The following GNA11 variants were observed in gnomAD, a reference collection of about 807,000 sequenced individuals.
GNA11 encodes G protein subunit alpha 11.
A neutral mutation model predicts 38.2 loss-of-function variants in GNA11; 8 were observed. The observed-to-expected ratio is 0.21, with a 90% CI of 0.12 to 0.38. The LOEUF (loss-of-function observed/expected upper bound fraction) is 0.38. Among genes scored for constraint, GNA11 ranks in the 10% least tolerant of loss-of-function variants. The pLI, the probability that GNA11 is intolerant of heterozygous loss-of-function variation, is 1.00. For synonymous variants in GNA11, 211 were observed against 221.4 expected (o/e 0.95, Z 0.42); for missense variants, 268 against 516.3 (o/e 0.52, Z 4.66).
At position 3,122,534 on chromosome 19, in the gene GNA11, C is replaced by T. The variant is rs1036893376; in HGVS notation, c.*1355C>T. On this transcript the variant is annotated 3_prime_UTR_variant, in exon 7 of 7. Coordinates refer to ENST00000078429, the MANE Select transcript of GNA11 (RefSeq NM_002067.5). The surrounding 1 kb of genome is among the most constrained non-coding windows in gnomAD (Gnocchi z 7.7). The stretch of plus-strand genomic sequence containing the variant: ...CTGAGGCACCGAGACTGGTTCTCCC[C>T]GAGAGACTCGGAAGGTGGGGAACGA... The T allele has an allele frequency of 2.6e-5, 6 of 232,634 alleles. No individual in the cohort carries two copies. Among genetic ancestry groups the T allele is most frequent in the Admixed American group, 5.6e-5 (1 of 17,766 alleles). 14.4% of individuals were successfully genotyped at this position (232,634 alleles called of 1,614,324 possible).
chr19:3,102,262 C>T (rs369130403), intron 1 of GNA11, among the ~76,000 whole-genome samples: 22 of 152,182 alleles, frequency 1.4e-4, no homozygotes, highest in African/African-American at 4.6e-4. Flanking sequence ...GGCCCCTGAC[C>T]GGCGAGGGGC....
intron 1 of GNA11, among the ~76,000 whole-genome samples, chr19:3,101,632 C>T (rs765260992): frequency 3.9e-5 from 6 of 152,060 alleles, no homozygotes; most frequent in Non-Finnish European, 2.9e-5. Context: ...GGTCAGTGAG[C>T]TGGGCAGGGG....
chr19:3,101,571 G>C (rs562905446), intron 1 of GNA11, among the ~76,000 whole-genome samples: 33 of 151,976 alleles, frequency 2.2e-4, no homozygotes, highest in Non-Finnish European at 3.8e-4. Flanking sequence ...CCTGGGCTCC[G>C]GACTCCTGCC....
intron 1 of GNA11, among the ~76,000 whole-genome samples, chr19:3,096,924 C>T (rs544892382): frequency 5.6e-4 from 85 of 152,300 alleles, no homozygotes; most frequent in African/African-American, 1.8e-3. Context: ...CCAGGGACCC[C>T]TTTGGGAATC....
chr19:3,121,301 AT>A lies in GNA11; in HGVS notation c.*133del, dbSNP rs201102241. 7,081 of 511,222 alleles carry A rather than the reference AT, an allele frequency of 0.014. 51 individuals carry two copies. Among genetic ancestry groups the A allele is most frequent in the Admixed American group, 0.061 (1,709 of 28,072 alleles). The allele number at this position is 511,222 out of a possible 1,614,324, so 31.7% of individuals were successfully genotyped here. A position where few individuals can be genotyped will look rare whatever the true frequency, so the allele number is the denominator to read the frequency against. ...CCGGGGCCTCTGCCCGCGGGAGGAG[AT>A]TTTTTTTTTTCATATTTTTAACAAA... is the stretch of plus-strand genomic sequence containing the variant. On this transcript the variant is annotated 3_prime_UTR_variant, in exon 7 of 7. Transcript: ENST00000078429.
chr19:3,097,715 G>A (rs945718935), intron 1 of GNA11, among the ~76,000 whole-genome samples: 8 of 152,236 alleles, frequency 5.3e-5, no homozygotes, highest in South Asian at 2.1e-4. Flanking sequence ...TCCGGCTGCC[G>A]TGCCGCCTCT....
Position 3,118,662 on chromosome 19 carries a change from C to T in GNA11, c.606-262C>T, listed in dbSNP as rs1315602892. 14 of 450,152 alleles carry T rather than the reference C, an allele frequency of 3.1e-5. No homozygotes were observed. The South Asian group carries it at 3.6e-4, about 12-fold the overall frequency. The allele number at this position is 450,152 out of a possible 1,614,324, so 27.9% of individuals were successfully genotyped here. On this transcript the variant is annotated intron_variant, in intron 4 of 6. Coordinates refer to ENST00000078429, the MANE Select transcript of GNA11 (RefSeq NM_002067.5). ...GCCCAGAATCCTCTGGGTTCTCACA[C>T]CCCCACACTAGCGCCCGCTTCCCTG...
In GNA11 at chr19:3,121,264, GC is replaced by G; in HGVS notation, c.*87del. 1 of 1,031,686 alleles carries G rather than the reference GC, an allele frequency of 9.7e-7. No individual in the cohort carries two copies. Among genetic ancestry groups the G allele is most frequent in the Non-Finnish European group, 1.4e-6 (1 of 695,228 alleles). The allele number at this position is 1,031,686 out of a possible 1,614,324, so 63.9% of individuals were successfully genotyped here. A position where few individuals can be genotyped will look rare whatever the true frequency, so the allele number is the denominator to read the frequency against. ...CTGCGGCTGCCGGGCGGGTGGCGCTGCCGAGTCCGGGCCGGGGCCTCTGCCC... is the reference window on the plus strand; with the variant it reads ...CTGCGGCTGCCGGGCGGGTGGCGCTGCGAGTCCGGGCCGGGGCCTCTGCCC... On this transcript the variant is annotated 3_prime_UTR_variant, in exon 7 of 7. Transcript: ENST00000078429.
rs570048771 is a variant in GNA11 at position 3,108,908 on chromosome 19, C to T, written c.137-1241C>T. Among the ~76,000 whole-genome samples, 11 of 152,288 alleles carry T rather than the reference C, an allele frequency of 7.2e-5. No homozygotes were observed. The highest frequency in any genetic ancestry group is 2.6e-4 in the African/African-American group (11 of 41,560). On this transcript the variant is annotated intron_variant, in intron 1 of 6. Transcript: ENST00000078429. The surrounding 1 kb of genome is among the most constrained non-coding windows in gnomAD (Gnocchi z 4.5). ...GGTGGGAGGCCTCAGTTCCTCACCA[C>T]GTGGGCCTCTCCGTGAAGCTGCTTG...
At position 3,119,763 on chromosome 19, in the gene GNA11, A is replaced by T. The variant is rs1914020397; in HGVS notation, c.889+404A>T. ...GGGGGTGTCCTGTATAGGTGATCCC[A>T]TATGGGAGGGGTCTCACAGGAAGGG... is the stretch of plus-strand genomic sequence containing the variant. On this transcript the variant is annotated intron_variant, in intron 6 of 6. Coordinates refer to ENST00000078429, the MANE Select transcript of GNA11 (RefSeq NM_002067.5). The surrounding 1 kb of genome is among the most constrained non-coding windows in gnomAD (Gnocchi z 4.6). 6.6e-6 allele frequency among the ~76,000 whole-genome samples: 1 copy of T among 151,660 alleles called. No individual in the cohort carries two copies. The highest frequency in any genetic ancestry group is 2.4e-5 in the African/African-American group (1 of 41,242).
chr19:3,099,360 A>G (rs1913447837), intron 1 of GNA11, among the ~76,000 whole-genome samples: 1 of 152,164 alleles, frequency 6.6e-6, no homozygotes, highest in Non-Finnish European at 1.5e-5. Context: ...TGGGTGACTG[A>G]GAGCGGTGGA....
In GNA11 at chr19:3,113,360, G is replaced by A. The variant is rs754271296; in HGVS notation, c.352G>A (p.Val118Met). The change falls in exon 3 of 7, where the codon GTG (valine) becomes ATG (methionine). Residue 118 changes from valine (V) to methionine (M), a missense_variant. Val to Met is a conservative substitution (Grantham distance 21, BLOSUM62 1). Coordinates refer to ENST00000078429, the MANE Select transcript of GNA11 (RefSeq NM_002067.5). The stretch of plus-strand genomic sequence containing the variant: ...TGCGCTCCTGATCCGGGAGGTGGAC[G>A]TGGAGAAGGTGACCACCTTCGAGCA... ...ANALLIREVDVEKVTTFEHQY... is the reference protein window; with the variant it reads ...ANALLIREVDMEKVTTFEHQY... 11 of 1,613,424 alleles carry A rather than the reference G, an allele frequency of 6.8e-6. No individual in the cohort carries two copies. Among genetic ancestry groups the A allele is most frequent in the Non-Finnish European group, 8.5e-6 (10 of 1,179,886 alleles).
chr19:3,110,362 G>A lies in GNA11; in HGVS notation c.321+29G>A, dbSNP rs776369531. 58 of 1,577,546 alleles carry A rather than the reference G, an allele frequency of 3.7e-5. No homozygotes were observed. The highest frequency in any genetic ancestry group is 4.5e-5 in the Non-Finnish European group (52 of 1,151,290). ...AGCCCGCGGGCGCCTGGGGAGGGGA[G>A]CGCCTGGGCAGCTGTGGGCTTGGTG... On this transcript the variant is annotated intron_variant, in intron 2 of 6. Transcript: ENST00000078429. The surrounding 1 kb of genome is among the most constrained non-coding windows in gnomAD (Gnocchi z 5.4).
intron 4 of GNA11, chr19:3,118,346 C>T (rs1426733799): frequency 2.0e-5 from 3 of 152,626 alleles, no homozygotes; most frequent in African/African-American, 4.8e-5. Context: ...TTCTTTCTCC[C>T]GCCTGTGCGT....
chr19:3,108,579 G>A lies in GNA11; in HGVS notation c.137-1570G>A, dbSNP rs1432737104. Among the ~76,000 whole-genome samples the A allele has an allele frequency of 6.6e-6, 1 of 152,072 alleles. No homozygotes were observed. Among genetic ancestry groups the A allele is most frequent in the Non-Finnish European group, 1.5e-5 (1 of 68,008 alleles). On this transcript the variant is annotated intron_variant, in intron 1 of 6. Transcript: ENST00000078429. This position sits in a 1 kb window ranked among gnomAD's most constrained non-coding sequence, Gnocchi z 4.5. ...GGGGCGGTGACGCTTGAGTCTCTAG[G>A]GCACCGGGGGCCTGAGCAAGGTTAA...
rs1388760727 is a variant in GNA11 at position 3,120,178 on chromosome 19, G to A, written c.890-811G>A. ...CCCTCAGGGTGCCCTGCCTCTGGAT[G>A]TGCAGCGAGAGGGAGGGGTCTGGCA... On this transcript the variant is annotated intron_variant, in intron 6 of 6. Transcript: ENST00000078429. The surrounding 1 kb of genome is among the most constrained non-coding windows in gnomAD (Gnocchi z 5.9). 2.0e-5 allele frequency among the ~76,000 whole-genome samples: 3 copies of A among 152,206 alleles called. No homozygotes were observed. The highest frequency in any genetic ancestry group is 3.9e-4 in the East Asian group (2 of 5,160).
At chr19:3,101,294 C>T (rs1447972654) in intron 1 of GNA11, among the ~76,000 whole-genome samples, 11 of 152,288 alleles carry the variant, frequency 7.2e-5, no homozygotes, top group Admixed American at 5.2e-4. Context: ...TGTGGCTGTT[C>T]TGTTGCCTGT....
chr19:3,101,052 G>A (rs1599296911), intron 1 of GNA11, among the ~76,000 whole-genome samples: 1 of 152,122 alleles, frequency 6.6e-6, no homozygotes, highest in South Asian at 2.1e-4. Flanking sequence ...GTCTGACCTC[G>A]GAGTTGGTGT....
In GNA11 at chr19:3,122,645, T is replaced by C. The variant is rs370341921; in HGVS notation, c.*1466T>C. The C allele has an allele frequency of 2.0e-4, 47 of 233,442 alleles. No homozygotes were observed. The East Asian group carries it at 2.3e-3, about 11-fold the overall frequency. The allele number at this position is 233,442 out of a possible 1,614,324, so 14.5% of individuals were successfully genotyped here. ...TGTGGTTCCGGGCTTCGCACAGCTG[T>C]CCCAGGGATGGATCGCCTGTGCTGC... On this transcript the variant is annotated 3_prime_UTR_variant, in exon 7 of 7. Transcript: ENST00000078429. The surrounding 1 kb of genome is among the most constrained non-coding windows in gnomAD (Gnocchi z 7.7).
Sources: allele counts gnomAD v4.1 joint callset (sites outside exome capture counted in the v4.1 genomes callset), GRCh38; gene constraint gnomAD v4.1.1; non-coding constraint Gnocchi (gnomAD v3.1); transcripts MANE v1.5; gene names NCBI Gene and HGNC (gene_info 2026-07-23, HGNC 2026-07-21).